The following CLIP1 variants were observed in gnomAD, a reference collection of about 807,000 sequenced individuals.
CLIP1 encodes CAP-Gly domain-containing linker protein 1.
In CLIP1, 66 loss-of-function variants were observed where a neutral mutation model predicts 161.6. The ratio of observed to expected loss-of-function variants is 0.41; its 90% CI spans 0.33 to 0.50. CLIP1 has a LOEUF of 0.50. CLIP1 is among the 20% of genes least tolerant of loss of function. The pLI, the probability that CLIP1 is intolerant of heterozygous loss-of-function variation, is 0.27. For synonymous variants in CLIP1, 598 were observed against 626.2 expected, an observed-to-expected ratio of 0.96 and a Z score of 0.67; for missense variants, 1,376 against 1,702.0, an observed-to-expected ratio of 0.81 and a Z score of 3.37.
At position 122,323,750 on chromosome 12, in the gene CLIP1, G is replaced by C. The variant is rs1455823908; in HGVS notation, c.3249+4197C>G. 6.6e-6 allele frequency: 1 copy of C among 152,646 alleles called. No individual in the cohort carries two copies. The highest frequency in any genetic ancestry group is 1.9e-4 in the East Asian group (1 of 5,202). The allele number at this position is 152,646 out of a possible 1,614,324, so 9.5% of individuals were successfully genotyped here. ...TTTCTCTAAAGCTGACTTTTTCTCAGCTGTGAGATCTTCAGTCTCCTGTAC... is the reference window on the plus strand; with the variant it reads ...TTTCTCTAAAGCTGACTTTTTCTCACCTGTGAGATCTTCAGTCTCCTGTAC... On this transcript the variant is annotated intron_variant, in intron 17 of 25. Transcript: ENST00000620786. This position sits in a 1 kb window ranked among gnomAD's most constrained non-coding sequence, Gnocchi z 4.1.
intron 21 of CLIP1, among the ~76,000 whole-genome samples, chr12:122,281,147 T>TA (rs1292288754): frequency 6.6e-6 from 1 of 152,188 alleles, no homozygotes; most frequent in Non-Finnish European, 1.5e-5. Context: ...GGCTTACACT[T>TA]ACACTCCAGA....
intron 19 of CLIP1, 149 bp from the exon 20 acceptor site, chr12:122,310,031 G>T: frequency 1.2e-6 from 1 of 838,864 alleles, no homozygotes; most frequent in Non-Finnish European, 1.8e-6. Context: ...TTATCTACAT[G>T]CAGAAGGGGT....
At chr12:122,305,361 G>T (rs553636933) in intron 20 of CLIP1, among the ~76,000 whole-genome samples, 1 of 152,218 alleles carries the variant, frequency 6.6e-6, no homozygotes, top group Admixed American at 6.5e-5. Context: ...AGCCCAGGAG[G>T]TTGAGGCTGC....
Position 122,295,196 on chromosome 12 carries a change from C to T in CLIP1, c.3595-6655G>A, listed in dbSNP as rs186774460. The stretch of plus-strand genomic sequence containing the variant: ...GACCAGCCGGCCAACACGATAAAAC[C>T]CCATCTCTACTAAAAACACAAAAAT... On this transcript the variant is annotated intron_variant, in intron 20 of 25. Coordinates refer to ENST00000620786, the MANE Select transcript of CLIP1 (RefSeq NM_001247997.2). Among the ~76,000 whole-genome samples, 293 of 151,822 alleles carry T rather than the reference C, an allele frequency of 1.9e-3. 2 individuals are homozygous for T. The highest frequency in any genetic ancestry group is 7.9e-3 in the Admixed American group (121 of 15,224).
intron 17 of CLIP1, among the ~76,000 whole-genome samples, chr12:122,325,336 G>C (rs942752085): frequency 4.6e-5 from 7 of 152,244 alleles, no homozygotes; most frequent in Non-Finnish European, 1.0e-4. Context: ...GGGATTACAG[G>C]CATGAGCCAC....
At chr12:122,374,268 G>A (rs1168603002) in intron 3 of CLIP1, among the ~76,000 whole-genome samples, 5 of 144,326 alleles carry the variant, frequency 3.5e-5, no homozygotes, top group African/African-American at 7.8e-5. Flanking sequence ...TCAGGAGATC[G>A]AGACCATCCT....
intron 1 of CLIP1, among the ~76,000 whole-genome samples, chr12:122,408,812 A>T (rs777990743): frequency 7.3e-5 from 11 of 149,902 alleles, no homozygotes; most frequent in Non-Finnish European, 1.0e-4. Flanking sequence ...GCACCTTGAT[A>T]TTTTTTTTAT....
chr12:122,285,242 T>C (rs1178453812), intron 21 of CLIP1, among the ~76,000 whole-genome samples: 1 of 151,900 alleles, frequency 6.6e-6, no homozygotes, highest in Admixed American at 6.6e-5. Flanking sequence ...TTTTTTTTTT[T>C]TTTGAGACGG....
intron 3 of CLIP1, chr12:122,364,707 C>A (rs1954039447): frequency 3.8e-6 from 2 of 520,388 alleles, no homozygotes; most frequent in Admixed American, 4.4e-5. Context: ...TCTTGGACCT[C>A]ACTTTATTTT....
chr12:122,401,452 G>T (rs1051628291), intron 1 of CLIP1, among the ~76,000 whole-genome samples: 2 of 152,030 alleles, frequency 1.3e-5, no homozygotes, highest in African/African-American at 4.8e-5. Context: ...GATCACTTGA[G>T]GTCAGGAATT....
At chr12:122,401,529 G>A (rs60196769) in intron 1 of CLIP1, among the ~76,000 whole-genome samples, 19,752 of 152,018 alleles carry the variant, frequency 0.13, 1,650 homozygotes, top group East Asian at 0.45. Flanking sequence ...GCCAGGCGGC[G>A]TGGTGGCACA....
intron 19 of CLIP1, among the ~76,000 whole-genome samples, chr12:122,314,035 G>A (rs142454354): frequency 0.011 from 1,699 of 151,948 alleles, 18 homozygotes; most frequent in African/African-American, 0.035. Flanking sequence ...GCTCACAGCT[G>A]TAATCCCAGC....
intron 24 of CLIP1, chr12:122,276,299 C>G: frequency 9.6e-7 from 1 of 1,046,994 alleles, no homozygotes; most frequent in Non-Finnish European, 1.2e-6. Flanking sequence ...TCTCAACGTG[C>G]ATTTTCTAAG....
intron 17 of CLIP1, among the ~76,000 whole-genome samples, chr12:122,320,960 A>G (rs1185882275): frequency 1.3e-5 from 2 of 151,442 alleles, no homozygotes; most frequent in Non-Finnish European, 2.9e-5. Context: ...CGCCTGCAAC[A>G]GCCTCCCAAA....
intron 20 of CLIP1, among the ~76,000 whole-genome samples, chr12:122,297,880 T>C (rs1950533216): frequency 6.6e-6 from 1 of 152,150 alleles, no homozygotes; most frequent in Admixed American, 6.5e-5. Context: ...CCATCAGGGA[T>C]CACCACAACT....
In CLIP1 at chr12:122,363,851, A is replaced by T. The variant is rs375821488; in HGVS notation, c.782+132T>A. The T allele has an allele frequency of 6.4e-6, 8 of 1,240,370 alleles. 1 individual carries two copies. In the South Asian group the frequency reaches 7.4e-5, roughly 11 times the overall value. The allele number at this position is 1,240,370 out of a possible 1,614,324, so 76.8% of individuals were successfully genotyped here. A position where few individuals can be genotyped will look rare whatever the true frequency, so the allele number is the denominator to read the frequency against. ...TAGTGTGGGGAAAAAAAATTAGCAG[A>T]TGGGTCTTAGGAAATAAAAGTGCCA... On this transcript the variant is annotated intron_variant, in intron 4 of 25. Coordinates refer to ENST00000620786, the MANE Select transcript of CLIP1 (RefSeq NM_001247997.2).
intron 18 of CLIP1, 109 bp from the exon 19 acceptor site, chr12:122,316,964 A>C: frequency 7.3e-6 from 5 of 687,398 alleles, no homozygotes; most frequent in Non-Finnish European, 7.1e-6. Flanking sequence ...GAAATTAGTC[A>C]CTCGCAAAAA....
intron 24 of CLIP1, chr12:122,275,186 G>A (rs958918209): frequency 1.3e-5 from 2 of 152,056 alleles, no homozygotes. Flanking sequence ...GTGGGTTGGT[G>A]GAGTGCTATT....
At chr12:122,373,490 T>C (rs1393617691) in intron 3 of CLIP1, among the ~76,000 whole-genome samples, 1 of 127,126 alleles carries the variant, frequency 7.9e-6, no homozygotes, top group Non-Finnish European at 1.7e-5. Context: ...ATTAACTTAA[T>C]AAACAAGGTG....
Sources: allele counts gnomAD v4.1 joint callset (sites outside exome capture counted in the v4.1 genomes callset), GRCh38; gene constraint gnomAD v4.1.1; non-coding constraint Gnocchi (gnomAD v3.1); transcripts MANE v1.5; gene names NCBI Gene and HGNC (gene_info 2026-07-23, HGNC 2026-07-21).